The following TYW1B variants were observed in gnomAD, a reference collection of about 807,000 sequenced individuals.
The protein encoded by TYW1B is tRNA-yW synthesizing protein 1 homolog B.
TYW1B carries 73 observed loss-of-function variants against 86.9 expected under a neutral mutation model. The ratio of observed to expected loss-of-function variants is 0.84; its 90% CI spans 0.70 to 1.02. The LOEUF (loss-of-function observed/expected upper bound fraction) is 1.02, where lower values mean the gene tolerates loss of function less well. Ranked by LOEUF, TYW1B falls within the 50% of genes least tolerant of loss-of-function variation. The pLI is 0.00. For synonymous variants in TYW1B, 248 were observed against 292.8 expected, an observed-to-expected ratio of 0.85 and a Z score of 1.56; for missense variants, 637 against 827.4, an observed-to-expected ratio of 0.77 and a Z score of 2.82.
chr7:72,738,737 G>T (rs1385918748), intron 8 of TYW1B, among the ~76,000 whole-genome samples: 1 of 151,992 alleles, frequency 6.6e-6, no homozygotes, highest in Non-Finnish European at 1.5e-5. Context: ...TTTGTTTTTT[G>T]TTTGTTTTTA....
intron 13 of TYW1B, among the ~76,000 whole-genome samples, chr7:72,589,771 G>A (rs1554431093): frequency 6.6e-6 from 1 of 152,208 alleles, no homozygotes; most frequent in East Asian, 1.9e-4. Context: ...GGCTACTTGG[G>A]AGGCTGAGGC....
At chr7:72,740,690 C>T (rs1554462056) in intron 8 of TYW1B, among the ~76,000 whole-genome samples, 2 of 151,356 alleles carry the variant, frequency 1.3e-5, no homozygotes, top group African/African-American at 4.8e-5. Context: ...AAAAATCTGA[C>T]TTCCAGAGTT....
At chr7:72,688,971 T>C (rs1229032328) in intron 11 of TYW1B, among the ~76,000 whole-genome samples, 1 of 152,212 alleles carries the variant, frequency 6.6e-6, no homozygotes, top group Non-Finnish European at 1.5e-5. Flanking sequence ...GAAAGCAGGA[T>C]AACATTTTAG....
intron 6 of TYW1B, among the ~76,000 whole-genome samples, chr7:72,794,279 G>A (rs1245886522): frequency 2.0e-5 from 3 of 152,146 alleles, no homozygotes; most frequent in Admixed American, 6.6e-5. Context: ...TTCTTGGCCA[G>A]GTGCAGTGGC....
At chr7:72,638,752 T>C (rs1554441104) in intron 11 of TYW1B, among the ~76,000 whole-genome samples, 1 of 152,236 alleles carries the variant, frequency 6.6e-6, no homozygotes, top group Non-Finnish European at 1.5e-5. Context: ...ATTATCTATG[T>C]AGAAAATCCA....
At position 72,807,089 on chromosome 7, in the gene TYW1B, C is replaced by T. The variant is rs782331205; in HGVS notation, c.700G>A (p.Glu234Lys). Residue 234 changes from glutamate (E) to lysine (K), a missense_variant, in exon 5 of 14, where the codon GAA becomes AAA. Physicochemically the swap from Glu to Lys is moderately conservative, Grantham distance 56. Transcript: ENST00000620995. The part of the protein sequence containing the change: ...EREEGSQEQD[E>K]LHHRDTKEEE... ...ACCTTGGTGTCTCTGTGATGCAATT[C>T]GTCCTGCTCTTGAGATCCTTCCTCC... The T allele has an allele frequency of 5.6e-6, 9 of 1,613,922 alleles. No individual in the cohort carries two copies. Among genetic ancestry groups the T allele is most frequent in the East Asian group, 4.5e-5 (2 of 44,892 alleles).
chr7:72,756,524 G>A (rs1267384384), intron 7 of TYW1B, among the ~76,000 whole-genome samples: 9 of 151,902 alleles, frequency 5.9e-5, no homozygotes, highest in Non-Finnish European at 1.2e-4. Context: ...TGTGAGCCAC[G>A]ACACCCGGCC....
intron 9 of TYW1B, 25 bp from the exon 10 acceptor site, chr7:72,713,823 C>T: frequency 6.5e-7 from 1 of 1,537,022 alleles, no homozygotes; most frequent in Non-Finnish European, 8.8e-7. Flanking sequence ...GAGAAGGACC[C>T]AGCTACATAA....
chr7:72,728,850 G>A lies in TYW1B; in HGVS notation c.1164C>T (p.Asn388=), dbSNP rs1390485496. ...TAAACTGCTTAATCATGTTCTGATG[G>A]TTTTCAATGGCTTCCTTCAAGATCA... The part of the protein sequence containing the change: ...PEMILKEAIE[N]HQNMIKQFKG... Residue 388 remains asparagine, a synonymous_variant, in exon 9 of 14, where the codon AAC becomes AAT. Transcript: ENST00000620995. 2 of 1,613,660 alleles carry A rather than the reference G, an allele frequency of 1.2e-6. No homozygotes were observed. The highest frequency in any genetic ancestry group is 1.7e-6 in the Non-Finnish European group (2 of 1,179,866).
intron 9 of TYW1B, among the ~76,000 whole-genome samples, chr7:72,715,548 T>A (rs1786763829): frequency 7.2e-5 from 11 of 151,842 alleles, no homozygotes; most frequent in Admixed American, 7.2e-4. Flanking sequence ...TAAGAACACA[T>A]GAACACATAG....
chr7:72,645,919 A>T (rs1184341108), intron 11 of TYW1B, among the ~76,000 whole-genome samples: 11 of 149,802 alleles, frequency 7.3e-5, no homozygotes, highest in African/African-American at 2.7e-4. Context: ...TACTCCAATT[A>T]AAAAACTTAT....
intron 11 of TYW1B, among the ~76,000 whole-genome samples, chr7:72,667,205 C>G (rs1554445497): frequency 1.3e-5 from 2 of 152,070 alleles, no homozygotes; most frequent in Non-Finnish European, 2.9e-5. Context: ...CCAGCACCAG[C>G]AAGAAGCAAA....
intron 9 of TYW1B, among the ~76,000 whole-genome samples, chr7:72,715,360 G>A (rs1208780808): frequency 6.6e-5 from 10 of 152,184 alleles, no homozygotes; most frequent in East Asian, 3.9e-4. Flanking sequence ...GAGGGGCCTC[G>A]TGCATCAGGA....
chr7:72,716,812 T>TTC (rs1786795905), intron 9 of TYW1B, among the ~76,000 whole-genome samples: 1 of 150,438 alleles, frequency 6.6e-6, no homozygotes, highest in African/African-American at 2.4e-5. Context: ...CTAATTTTTT[T>TTC]TTTTTTTTTG....
chr7:72,601,068 A>G (rs2129568050), intron 13 of TYW1B, among the ~76,000 whole-genome samples: 1 of 152,016 alleles, frequency 6.6e-6, no homozygotes, highest in East Asian at 1.9e-4. Flanking sequence ...GAGGCAGAAG[A>G]ATCGTTTGAA....
chr7:72,669,732 T>G (rs1401874946), intron 11 of TYW1B, among the ~76,000 whole-genome samples: 12 of 151,834 alleles, frequency 7.9e-5, no homozygotes, highest in African/African-American at 2.4e-4. Flanking sequence ...ATCACGCCAC[T>G]GCACTCCAGA....
chr7:72,718,589 A>T (rs543166891), intron 9 of TYW1B, among the ~76,000 whole-genome samples: 1 of 152,090 alleles, frequency 6.6e-6, no homozygotes, highest in Admixed American at 6.6e-5. Context: ...TGTAACTGCA[A>T]TTGTAAGAAT....
At chr7:72,639,310 T>C (rs1812747766) in intron 11 of TYW1B, among the ~76,000 whole-genome samples, 1 of 151,952 alleles carries the variant, frequency 6.6e-6, no homozygotes, top group Admixed American at 6.6e-5. Flanking sequence ...TGGAGTGCAC[T>C]GGTGCATCAC....
intron 2 of TYW1B, 132 bp downstream of exon 2, chr7:72,826,718 GAAGAA>G: frequency 3.4e-6 from 4 of 1,175,598 alleles, no homozygotes; most frequent in Non-Finnish European, 4.5e-6. Flanking sequence ...AAAACTTAGA[GAAGAA>G]ATTTATTTTA....
Sources: allele counts gnomAD v4.1 joint callset (sites outside exome capture counted in the v4.1 genomes callset), GRCh38; gene constraint gnomAD v4.1.1; transcripts MANE v1.5; gene names NCBI Gene and HGNC (gene_info 2026-07-23, HGNC 2026-07-21).